The following APBA1 variants were observed in gnomAD, a reference collection of about 807,000 sequenced individuals.
The protein encoded by APBA1 is amyloid beta precursor protein binding family A member 1, also known as amyloid-beta A4 precursor protein-binding family A member 1.
In APBA1, 55 loss-of-function variants were observed where a neutral mutation model predicts 86.6. The observed-to-expected ratio is 0.64, with a 90% CI of 0.51 to 0.80. The LOEUF (loss-of-function observed/expected upper bound fraction) is 0.80. Ranked by LOEUF, APBA1 falls within the 30% of genes least tolerant of loss-of-function variation. The pLI is 0.00. For missense variants in APBA1, 1,090 were observed against 1,183.0 expected (o/e 0.92, Z 1.15); for synonymous variants, 511 against 493.9 (o/e 1.03, Z -0.46).
chr9:69,658,225 T>TC (rs1491523097), intron 1 of APBA1, among the ~76,000 whole-genome samples: 12 of 12,970 alleles, frequency 9.3e-4, no homozygotes, highest in African/African-American at 1.3e-3. Context: ...CCTTTCTCTC[T>TC]TTCTTTCTTT....
At chr9:69,573,468 A>G (rs1049914578) in intron 1 of APBA1, among the ~76,000 whole-genome samples, 5 of 152,212 alleles carry the variant, frequency 3.3e-5, no homozygotes, top group African/African-American at 1.2e-4. Flanking sequence ...TCTCAAAAAT[A>G]GTAAAATAAA....
intron 1 of APBA1, among the ~76,000 whole-genome samples, chr9:69,611,285 G>GAAAAAAAAAAAAAAA (rs56357426): frequency 8.0e-5 from 9 of 111,882 alleles, no homozygotes; most frequent in Non-Finnish European, 1.2e-4. Context: ...ACCAGAAAAG[G>GAAAAAAAAAAAAAAA]AAAAAAAAAA....
At chr9:69,513,679 G>GCTGTCC (rs1836088529) in intron 2 of APBA1, among the ~76,000 whole-genome samples, 2 of 152,328 alleles carry the variant, frequency 1.3e-5, no homozygotes, top group East Asian at 3.9e-4. Context: ...CTGACCCAAT[G>GCTGTCC]CTGTCCCCTT....
intron 2 of APBA1, among the ~76,000 whole-genome samples, chr9:69,511,120 T>C (rs1588330339): frequency 6.6e-6 from 1 of 152,002 alleles, no homozygotes; most frequent in South Asian, 2.1e-4. Flanking sequence ...GAAACTACCA[T>C]CAGAGTGAAC....
At chr9:69,605,411 C>G (rs1380671799) in intron 1 of APBA1, among the ~76,000 whole-genome samples, 1 of 152,156 alleles carries the variant, frequency 6.6e-6, no homozygotes, top group Non-Finnish European at 1.5e-5. Flanking sequence ...ACCTACAAAG[C>G]CAATAATCTG....
intron 1 of APBA1, among the ~76,000 whole-genome samples, chr9:69,597,287 C>A (rs1588385283): frequency 6.6e-6 from 1 of 152,128 alleles, no homozygotes; most frequent in East Asian, 1.9e-4. Context: ...CATGTTTTCA[C>A]GTGTCTTTTG....
intron 1 of APBA1, among the ~76,000 whole-genome samples, chr9:69,601,970 G>A (rs1410628724): frequency 6.6e-6 from 1 of 152,164 alleles, no homozygotes; most frequent in African/African-American, 2.4e-5. Context: ...CACACAATGA[G>A]TGACACACAG....
At chr9:69,442,251 T>C (rs1419447674) in intron 10 of APBA1, among the ~76,000 whole-genome samples, 1 of 152,160 alleles carries the variant, frequency 6.6e-6, no homozygotes, top group Non-Finnish European at 1.5e-5. Flanking sequence ...CAAGTCATGG[T>C]ATGCAGGAGG....
chr9:69,620,479 A>G (rs1588396775), intron 1 of APBA1, among the ~76,000 whole-genome samples: 1 of 152,106 alleles, frequency 6.6e-6, no homozygotes, highest in African/African-American at 2.4e-5. Flanking sequence ...GGAGTTCAAG[A>G]CCAGCCTAGC....
At chr9:69,581,865 A>G (rs1257969694) in intron 1 of APBA1, among the ~76,000 whole-genome samples, 1 of 152,092 alleles carries the variant, frequency 6.6e-6, no homozygotes, top group Non-Finnish European at 1.5e-5. Flanking sequence ...TCCCTCTGAG[A>G]CATTTTGTGA....
intron 2 of APBA1, among the ~76,000 whole-genome samples, chr9:69,476,629 AT>A (rs141480676): frequency 0.05 from 7,625 of 152,270 alleles, 298 homozygotes; most frequent in Admixed American, 0.11. Flanking sequence ...TACCACCTGT[AT>A]TTTCCTAGTC....
chr9:69,577,352 G>A (rs1449320775), intron 1 of APBA1, among the ~76,000 whole-genome samples: 1 of 152,190 alleles, frequency 6.6e-6, no homozygotes, highest in Non-Finnish European at 1.5e-5. Flanking sequence ...ATGGTGACAT[G>A]AGACTGAGGG....
At chr9:69,646,567 A>C (rs1823394332) in intron 1 of APBA1, among the ~76,000 whole-genome samples, 1 of 152,104 alleles carries the variant, frequency 6.6e-6, no homozygotes, top group Non-Finnish European at 1.5e-5. Context: ...AGGAAGTCCT[A>C]GACAAGCCTG....
chr9:69,512,094 A>AAAAAGAAAAAAAGAAAAG (rs1491311342), intron 2 of APBA1, among the ~76,000 whole-genome samples: 1 of 151,704 alleles, frequency 6.6e-6, no homozygotes, highest in African/African-American at 2.4e-5. Flanking sequence ...ATAAATAAAT[A>AAAAAGAAAAAAAGAAAAG]AAAAGAAAAA....
chr9:69,486,840 C>T lies in APBA1; in HGVS notation c.1201-10697G>A, dbSNP rs530337847. Among the ~76,000 whole-genome samples, 52 of 151,786 alleles carry T rather than the reference C, an allele frequency of 3.4e-4. 1 individual carries two copies. Among genetic ancestry groups the T allele is most frequent in the African/African-American group, 8.5e-4 (35 of 41,386 alleles). On this transcript the variant is annotated intron_variant, in intron 2 of 12. Transcript: ENST00000265381. ...ACAGCTCAGCTCCTACTCTCTGCCC[C>T]GGGAGTAGATATTTTTTTTTTCTTC...
At chr9:69,446,636 T>C (rs1388942715) in intron 10 of APBA1, among the ~76,000 whole-genome samples, 1 of 152,206 alleles carries the variant, frequency 6.6e-6, no homozygotes, top group African/African-American at 2.4e-5. Flanking sequence ...CCTCATAGCC[T>C]CACTGCTTCC....
At chr9:69,504,280 T>C (rs1185868833) in intron 2 of APBA1, among the ~76,000 whole-genome samples, 4 of 152,078 alleles carry the variant, frequency 2.6e-5, no homozygotes, top group African/African-American at 7.2e-5. Flanking sequence ...CAGGACATGG[T>C]CTTTCATAAT....
intron 9 of APBA1, 140 bp downstream of exon 9, chr9:69,451,982 G>T: frequency 1.3e-6 from 1 of 785,352 alleles, no homozygotes; most frequent in Non-Finnish European, 2.1e-6. Flanking sequence ...CGAGAGATGG[G>T]GGTGAACGAC....
rs370037793 is a variant in APBA1 at position 69,563,118 on chromosome 9, C to T, written c.-69-45839G>A. 3.9e-5 allele frequency among the ~76,000 whole-genome samples: 6 copies of T among 152,180 alleles called. No homozygotes were observed. In the East Asian group the frequency reaches 5.8e-4, roughly 15 times the overall value. ...GGGTAAACTCGATCCCTTCCACACA[C>T]GAGTCTCAAGTCTGTCTTATCCCAC... is the stretch of plus-strand genomic sequence containing the variant. On this transcript the variant is annotated intron_variant, in intron 1 of 12. Transcript: ENST00000265381.
Sources: allele counts gnomAD v4.1 joint callset (sites outside exome capture counted in the v4.1 genomes callset), GRCh38; gene constraint gnomAD v4.1.1; transcripts MANE v1.5; gene names NCBI Gene and HGNC (gene_info 2026-07-23, HGNC 2026-07-21).